The following CYFIP2 variants were observed in gnomAD, a reference collection of about 807,000 sequenced individuals.
The protein encoded by CYFIP2 is cytoplasmic FMR1-interacting protein 2.
In CYFIP2, 29 loss-of-function variants were observed where a neutral mutation model predicts 158.7. The ratio of observed to expected loss-of-function variants is 0.18; its 90% CI spans 0.14 to 0.25. The LOEUF is 0.25. Among genes scored for constraint, CYFIP2 ranks in the 10% least tolerant of loss-of-function variants. The pLI is 1.00. For synonymous variants in CYFIP2, 585 were observed against 617.6 expected, an observed-to-expected ratio of 0.95 and a Z score of 0.78; for missense variants, 852 against 1,639.5, an observed-to-expected ratio of 0.52 and a Z score of 8.29.
At chr5:157,388,042 C>T (rs1162320220) in intron 28 of CYFIP2, among the ~76,000 whole-genome samples, 7 of 152,214 alleles carry the variant, frequency 4.6e-5, no homozygotes, top group Non-Finnish European at 1.0e-4. Flanking sequence ...CTCCCAGCCA[C>T]CCTGTAAAAT....
rs144315861 is a variant in CYFIP2, at chr5:157,334,057, A to C, written c.2385+611A>C. Reference sequence around the variant, plus strand: ...TTTCAGTGAATCAAAGGAAGATTTCAGTGCCTTCAAAAGCGAATGAACAGA... The same window carrying C: ...TTTCAGTGAATCAAAGGAAGATTTCCGTGCCTTCAAAAGCGAATGAACAGA... On this transcript the variant is annotated intron_variant, in intron 21 of 30. Transcript: ENST00000620254. Among the ~76,000 whole-genome samples the C allele has an allele frequency of 1.1e-4, 17 of 152,364 alleles. 1 individual carries two copies. In the East Asian group the frequency reaches 3.1e-3, roughly 28 times the overall value.
intron 26 of CYFIP2, chr5:157,363,374 G>A (rs1280765118): frequency 1.3e-5 from 2 of 152,230 alleles, no homozygotes; most frequent in East Asian, 3.8e-4. Context: ...TGGATAAATG[G>A]TCATGAATAA....
At chr5:157,309,446 T>A (rs1164826756) in intron 9 of CYFIP2, among the ~76,000 whole-genome samples, 2 of 152,214 alleles carry the variant, frequency 1.3e-5, no homozygotes, top group African/African-American at 4.8e-5. Context: ...TGGGCAGCCA[T>A]CCATCCAGTC....
At chr5:157,356,246 C>A (rs1763400704) in intron 23 of CYFIP2, among the ~76,000 whole-genome samples, 1 of 152,052 alleles carries the variant, frequency 6.6e-6, no homozygotes, top group Admixed American at 6.5e-5. Flanking sequence ...CTGTAGGCTC[C>A]CATGGCATAG....
intron 3 of CYFIP2, among the ~76,000 whole-genome samples, chr5:157,288,059 T>C (rs437836): frequency 0.87 from 132,993 of 152,148 alleles, 58,284 homozygotes; most frequent in East Asian, 0.99. Context: ...TATCACTGCA[T>C]TCCAGCCTGG....
chr5:157,286,264 T>C (rs1182347494), intron 2 of CYFIP2, among the ~76,000 whole-genome samples: 1 of 151,752 alleles, frequency 6.6e-6, no homozygotes, highest in African/African-American at 2.4e-5. Flanking sequence ...CAGAAAAGTA[T>C]ACAAAAAAGT....
chr5:157,318,063 C>T (rs1044689221), intron 13 of CYFIP2, among the ~76,000 whole-genome samples: 8 of 152,124 alleles, frequency 5.3e-5, no homozygotes, highest in Non-Finnish European at 1.0e-4. Flanking sequence ...TTTAAAAAAT[C>T]GGGTTTCTGT....
At chr5:157,369,227 C>A (rs1318843011) in intron 26 of CYFIP2, among the ~76,000 whole-genome samples, 2 of 152,108 alleles carry the variant, frequency 1.3e-5, no homozygotes, top group African/African-American at 4.8e-5. Flanking sequence ...ATTAACACAC[C>A]ATTTAACAAT....
At chr5:157,364,953 G>C (rs1263018364) in intron 26 of CYFIP2, 7 of 152,066 alleles carry the variant, frequency 4.6e-5, no homozygotes, top group Non-Finnish European at 1.0e-4. Context: ...AAGTAGTTTT[G>C]CACATACCAA....
chr5:157,326,427 C>G (rs764811638), intron 18 of CYFIP2, among the ~76,000 whole-genome samples, 160 bp downstream of exon 18: 12 of 152,218 alleles, frequency 7.9e-5, no homozygotes, highest in Non-Finnish European at 1.6e-4. Flanking sequence ...CCTCTGAGGG[C>G]AGAAGTACAA....
rs1554118658 is a variant in CYFIP2, at chr5:157,361,226, T to TGTGTGTGTGTGCATGTGTGTGC, written c.2909-231_2909-210dup. 2.0e-5 allele frequency among the ~76,000 whole-genome samples: 3 copies of TGTGTGTGTGTGCATGTGTGTGC among 151,354 alleles called. No individual in the cohort carries two copies. Among genetic ancestry groups the TGTGTGTGTGTGCATGTGTGTGC allele is most frequent in the African/African-American group, 7.4e-5 (3 of 40,758 alleles). ...GGTGCCTCATTTGTGTGCCTGTGTTTGTGTGTGTGTGCATGTGTGTGCGTG... is the reference window on the plus strand; with the variant it reads ...GGTGCCTCATTTGTGTGCCTGTGTTTGTGTGTGTGTGCATGTGTGTGCGTGTGTGTGTGCATGTGTGTGCGTG... On this transcript the variant is annotated intron_variant, in intron 25 of 30. Transcript: ENST00000620254. This position sits in a 1 kb window ranked among gnomAD's most constrained non-coding sequence, Gnocchi z 4.4.
At chr5:157,321,581 T>G (rs531199664) in intron 15 of CYFIP2, among the ~76,000 whole-genome samples, 46 of 152,354 alleles carry the variant, frequency 3.0e-4, no homozygotes, top group Admixed American at 2.5e-3. Context: ...ATTTTTGATG[T>G]ACTGGAAAAA....
chr5:157,375,128 A>C (rs1765340609), intron 26 of CYFIP2, among the ~76,000 whole-genome samples: 1 of 152,218 alleles, frequency 6.6e-6, no homozygotes, highest in Non-Finnish European at 1.5e-5. Flanking sequence ...TAGTGCTATA[A>C]GACTTATGAA....
intron 5 of CYFIP2, among the ~76,000 whole-genome samples, chr5:157,298,413 C>T (rs903987232): frequency 1.2e-4 from 19 of 152,018 alleles, no homozygotes; most frequent in Non-Finnish European, 1.5e-5. Context: ...CTCACTGCAA[C>T]TTCAGCCTCC....
intron 20 of CYFIP2, among the ~76,000 whole-genome samples, chr5:157,331,906 T>C (rs1189265336): frequency 6.6e-6 from 1 of 152,214 alleles, no homozygotes; most frequent in Admixed American, 6.5e-5. Flanking sequence ...TCAACAAATG[T>C]TCATTGCTAT....
intron 4 of CYFIP2, among the ~76,000 whole-genome samples, chr5:157,295,843 C>T (rs1758208277): frequency 6.6e-6 from 1 of 152,212 alleles, no homozygotes. Context: ...TCCCATGTAT[C>T]CATTAGCAGC....
intron 26 of CYFIP2, chr5:157,376,164 C>T (rs1171485247): frequency 5.9e-5 from 9 of 152,650 alleles, no homozygotes; most frequent in Admixed American, 4.6e-4. Context: ...CTCCACAAAC[C>T]GCTGGTCCTT....
chr5:157,378,664 C>G (rs925853692), intron 26 of CYFIP2, among the ~76,000 whole-genome samples: 7 of 152,148 alleles, frequency 4.6e-5, no homozygotes, highest in African/African-American at 1.7e-4. Flanking sequence ...TAGGAAAGTT[C>G]ACCTTACTAC....
At chr5:157,296,543 A>T in intron 4 of CYFIP2, 130 bp from the exon 5 acceptor site, 2 of 816,462 alleles carry the variant, frequency 2.4e-6, no homozygotes, top group Non-Finnish European at 4.1e-6. Context: ...TCAGTGAGCC[A>T]TGATCATGCC....
Sources: gnomAD v4.1 joint callset for allele counts (sites outside exome capture counted in the v4.1 genomes callset) on GRCh38, gnomAD v4.1.1 for gene constraint, Gnocchi (gnomAD v3.1) non-coding constraint, MANE v1.5 for transcripts, NCBI Gene and HGNC (gene_info 2026-07-23, HGNC 2026-07-21) for gene names.